CNTN1: variants seen among roughly 807,000 people sequenced by gnomAD.
CNTN1 encodes the protein contactin-1.
CNTN1 carries 38 observed loss-of-function variants against 126.4 expected under a neutral mutation model. The ratio of observed to expected loss-of-function variants is 0.30; its 90% CI spans 0.23 to 0.39. The LOEUF (loss-of-function observed/expected upper bound fraction) is 0.39, where lower values mean the gene tolerates loss of function less well. Among genes scored for constraint, CNTN1 ranks in the 10% least tolerant of loss-of-function variants. The pLI is 1.00. For missense variants in CNTN1, 1,009 were observed against 1,248.4 expected, an observed-to-expected ratio of 0.81 and a Z score of 2.89; for synonymous variants, 413 against 422.6, an observed-to-expected ratio of 0.98 and a Z score of 0.28.
intron 6 of CNTN1, among the ~76,000 whole-genome samples, chr12:40,925,802 A>T (rs1040536302): frequency 3.8e-5 from 1 of 26,036 alleles, no homozygotes; most frequent in African/African-American, 2.3e-4. Flanking sequence ...TATTGAAATT[A>T]TATATATATA....
intron 1 of CNTN1, among the ~76,000 whole-genome samples, chr12:40,899,449 T>A (rs946594490): frequency 6.6e-6 from 1 of 152,180 alleles, no homozygotes; most frequent in African/African-American, 2.4e-5. Flanking sequence ...GCAAAATGAA[T>A]CAGATGTAGA....
intron 23 of CNTN1, among the ~76,000 whole-genome samples, chr12:41,033,942 CG>C (rs1459527667): frequency 6.6e-6 from 1 of 150,990 alleles, no homozygotes; most frequent in Non-Finnish European, 1.5e-5. Flanking sequence ...CCCACCTACT[CG>C]GGAGGCTGAG....
chr12:40,701,834 T>G (rs1329082714), intron 1 of CNTN1, among the ~76,000 whole-genome samples: 3 of 152,184 alleles, frequency 2.0e-5, no homozygotes, highest in Admixed American at 1.3e-4. Flanking sequence ...CATTCTTTCC[T>G]TTTCCCTTTT....
At chr12:40,753,935 T>G (rs1289805961) in intron 1 of CNTN1, among the ~76,000 whole-genome samples, 1 of 152,064 alleles carries the variant, frequency 6.6e-6, no homozygotes, top group Non-Finnish European at 1.5e-5. Context: ...TTAATTCATC[T>G]CCTATTGTTG....
chr12:40,873,751 C>T (rs1160684135), intron 1 of CNTN1, among the ~76,000 whole-genome samples: 1 of 152,236 alleles, frequency 6.6e-6, no homozygotes, highest in South Asian at 2.1e-4. Context: ...TAATTCAATT[C>T]TAAATTTCTC....
At chr12:40,952,010 T>A (rs553370847) in intron 14 of CNTN1, among the ~76,000 whole-genome samples, 50 of 152,222 alleles carry the variant, frequency 3.3e-4, no homozygotes, top group African/African-American at 1.2e-3. Flanking sequence ...AGTTGGCTGG[T>A]TTATAGATGG....
At chr12:40,789,145 T>C (rs1195523620) in intron 1 of CNTN1, among the ~76,000 whole-genome samples, 2 of 152,180 alleles carry the variant, frequency 1.3e-5, no homozygotes, top group African/African-American at 4.8e-5. Context: ...ATATAGATAA[T>C]AAAATCTGCT....
In CNTN1 at chr12:40,958,972, A is replaced by G. The variant is rs140680542; in HGVS notation, c.1684-142A>G. ...AGTTGAGAAACTGAAGCCTAGAGCA[A>G]GGACATAGAGTTAGCATGTCTAAAA... is the stretch of plus-strand genomic sequence containing the variant. On this transcript the variant is annotated intron_variant, in intron 14 of 23. Coordinates refer to ENST00000551295, the MANE Select transcript of CNTN1 (RefSeq NM_001843.4). 43 of 905,964 alleles carry G rather than the reference A, an allele frequency of 4.7e-5. No homozygotes were observed. In the African/African-American group the frequency reaches 6.4e-4, roughly 14 times the overall value. 56.1% of individuals were successfully genotyped at this position (905,964 alleles called of 1,614,324 possible).
At chr12:41,017,630 C>T (rs79724630) in intron 19 of CNTN1, among the ~76,000 whole-genome samples, 4,460 of 151,900 alleles carry the variant, frequency 0.029, 221 homozygotes, top group African/African-American at 0.1. Context: ...AATGCTAATA[C>T]CAGCTCTTTT....
chr12:41,034,719 T>C (rs1363692689), intron 23 of CNTN1, among the ~76,000 whole-genome samples: 1 of 152,234 alleles, frequency 6.6e-6, no homozygotes, highest in African/African-American at 2.4e-5. Context: ...AAATTACCTC[T>C]AAAATGCATA....
chr12:40,701,145 C>G (rs1052806123), intron 1 of CNTN1, among the ~76,000 whole-genome samples: 2 of 152,106 alleles, frequency 1.3e-5, no homozygotes, highest in African/African-American at 4.8e-5. Context: ...CGGAATCTAT[C>G]CCTAGACCCT....
At chr12:40,992,334 C>A (rs925853620) in intron 16 of CNTN1, among the ~76,000 whole-genome samples, 6 of 152,098 alleles carry the variant, frequency 3.9e-5, no homozygotes, top group African/African-American at 1.4e-4. Flanking sequence ...CCAGATAAAA[C>A]TTCCCTAAAT....
At chr12:41,014,371 G>T in intron 18 of CNTN1, 73 bp downstream of exon 18, 1 of 1,472,864 alleles carries the variant, frequency 6.8e-7, no homozygotes. Flanking sequence ...TTTGTTTCCT[G>T]AAATAAATTG....
At chr12:40,857,656 T>C (rs561130118) in intron 1 of CNTN1, among the ~76,000 whole-genome samples, 1 of 152,288 alleles carries the variant, frequency 6.6e-6, no homozygotes, top group African/African-American at 2.4e-5. Context: ...AAAATAGTAT[T>C]AAATTGATGA....
chr12:40,775,791 A>C (rs1939553906), intron 1 of CNTN1, among the ~76,000 whole-genome samples: 1 of 151,632 alleles, frequency 6.6e-6, no homozygotes, highest in Non-Finnish European at 1.5e-5. Flanking sequence ...ACAAATAACT[A>C]AGACAATGGT....
Position 40,983,501 on chromosome 12 carries a change from G to A in CNTN1, c.1963+2434G>A, listed in dbSNP as rs148189067. Among the ~76,000 whole-genome samples, 19 of 151,660 alleles carry A rather than the reference G, an allele frequency of 1.3e-4. No individual in the cohort carries two copies. In the East Asian group the frequency reaches 3.5e-3, roughly 28 times the overall value. On this transcript the variant is annotated intron_variant, in intron 16 of 23. Coordinates refer to ENST00000551295, the MANE Select transcript of CNTN1 (RefSeq NM_001843.4). ...TGTGTGTGTGTGTGTGTGAGTGTAT[G>A]TGTGTATGTGTGTATATGTATAATC...
chr12:40,811,039 A>T (rs1325730995), intron 1 of CNTN1, among the ~76,000 whole-genome samples: 1 of 152,186 alleles, frequency 6.6e-6, no homozygotes, highest in Non-Finnish European at 1.5e-5. Context: ...ATTAATATTT[A>T]ATTGCGTGTA....
intron 23 of CNTN1, among the ~76,000 whole-genome samples, chr12:41,033,475 G>A (rs1419009785): frequency 6.6e-6 from 1 of 152,026 alleles, no homozygotes; most frequent in East Asian, 1.9e-4. Flanking sequence ...ATTATTTGTA[G>A]TGAGCATGCA....
intron 1 of CNTN1, among the ~76,000 whole-genome samples, chr12:40,848,368 T>C (rs969920532): frequency 2.6e-5 from 4 of 152,210 alleles, no homozygotes; most frequent in Non-Finnish European, 5.9e-5. Flanking sequence ...TAGGCTAGAT[T>C]ATTAATTCCT....
Sources: allele counts gnomAD v4.1 joint callset (sites outside exome capture counted in the v4.1 genomes callset), GRCh38; gene constraint gnomAD v4.1.1; transcripts MANE v1.5; gene names NCBI Gene and HGNC (gene_info 2026-07-23, HGNC 2026-07-21).